The following ZNF79 variants were observed in gnomAD, a reference collection of about 807,000 sequenced individuals.
The protein encoded by ZNF79 is zinc finger protein 79.
Under a neutral mutation model 14.9 loss-of-function variants are expected in ZNF79, and 13 were observed. The observed-to-expected ratio is 0.87, with a 90% CI of 0.57 to 1.38. The LOEUF (loss-of-function observed/expected upper bound fraction) is 1.38, where lower values mean the gene tolerates loss of function less well. Ranked by LOEUF, ZNF79 falls within the 40% of genes most tolerant of loss-of-function variation. The pLI, the probability that ZNF79 is intolerant of heterozygous loss-of-function variation, is 0.00. For missense variants in ZNF79, 631 were observed against 630.6 expected, an observed-to-expected ratio of 1.00 and a Z score of -0.01; for synonymous variants, 223 against 235.1, an observed-to-expected ratio of 0.95 and a Z score of 0.47.
In ZNF79 at chr9:127,445,093, A is replaced by C. The variant is rs1404717966; in HGVS notation, c.1393A>C (p.Arg465=). ...NQSSSLSQHQ[R]IHTGVKPYEC... ...GAGCTCATCCCTTAGTCAGCATCAG[A>C]GAATCCACACAGGCGTGAAACCCTA... is the stretch of plus-strand genomic sequence containing the variant. Residue 465 remains arginine, a synonymous_variant, in exon 5 of 5, where the codon AGA becomes CGA. Transcript: ENST00000342483. 1.2e-6 allele frequency: 2 copies of C among 1,614,080 alleles called. No homozygotes were observed. Among genetic ancestry groups the C allele is most frequent in the Non-Finnish European group, 1.7e-6 (2 of 1,180,024 alleles).
In ZNF79 at chr9:127,445,002, GCAT is replaced by G. The variant is rs1176655645; in HGVS notation, c.1306_1308del (p.His436del). ...TCAGTGAGAGCTCAGCCCTCATTCG[GCAT>G]CATATAATCCACACCGGAGAAAAAC... is the stretch of plus-strand genomic sequence containing the variant. On this transcript the variant is annotated inframe_deletion, in exon 5 of 5. Transcript: ENST00000342483. The G allele has an allele frequency of 6.2e-6, 10 of 1,614,200 alleles. No individual in the cohort carries two copies. In the East Asian group the frequency reaches 2.2e-4, roughly 36 times the overall value.
intron 1 of ZNF79, among the ~76,000 whole-genome samples, chr9:127,425,462 AACC>A (rs899624937): frequency 2.6e-4 from 39 of 152,220 alleles, no homozygotes; most frequent in African/African-American, 8.9e-4. Context: ...TTTAAGTCTT[AACC>A]ACCAACACCT....
intron 2 of ZNF79, among the ~76,000 whole-genome samples, chr9:127,434,809 C>T (rs1005034336): frequency 1.3e-5 from 2 of 152,144 alleles, no homozygotes; most frequent in Non-Finnish European, 2.9e-5. Context: ...CCACCACGCC[C>T]AACTAATTTT....
In ZNF79 at chr9:127,444,946, C is replaced by A. The variant is rs1336784539; in HGVS notation, c.1246C>A (p.Pro416Thr). ...IHQKTHTGEKPYKCNECGKFF... is the reference protein window; with the variant it reads ...IHQKTHTGEKTYKCNECGKFF... Reference sequence around the variant, plus strand: ...CCAAAAGACCCACACCGGGGAGAAGCCATATAAATGTAATGAATGTGGGAA... The same window carrying A: ...CCAAAAGACCCACACCGGGGAGAAGACATATAAATGTAATGAATGTGGGAA... The change falls in exon 5 of 5, where the codon CCA (proline) becomes ACA (threonine). Residue 416 changes from proline (P) to threonine (T), a missense_variant. By Grantham distance (38) the Pro-to-Thr change is conservative. Coordinates refer to ENST00000342483, the MANE Select transcript of ZNF79 (RefSeq NM_007135.3). 2 of 1,614,150 alleles carry A rather than the reference C, an allele frequency of 1.2e-6. No homozygotes were observed. The highest frequency in any genetic ancestry group is 1.7e-5 in the Admixed American group (1 of 60,018).
chr9:127,429,867 A>T (rs1180751196), intron 2 of ZNF79, among the ~76,000 whole-genome samples: 4 of 147,322 alleles, frequency 2.7e-5, no homozygotes, highest in African/African-American at 1.0e-4. Context: ...CCCAGGCCGG[A>T]GTGCAGTGTC....
intron 1 of ZNF79, among the ~76,000 whole-genome samples, chr9:127,427,559 T>TTTTTGG (rs1833782088): frequency 6.6e-6 from 1 of 151,020 alleles, no homozygotes; most frequent in African/African-American, 2.4e-5. Flanking sequence ...TTTTTTTTTT[T>TTTTTGG]GAGGCAGAGT....
At chr9:127,435,523 G>A (rs553323959) in intron 3 of ZNF79, among the ~76,000 whole-genome samples, 1 of 152,262 alleles carries the variant, frequency 6.6e-6, no homozygotes, top group South Asian at 2.1e-4. Flanking sequence ...GTTTAGCTTA[G>A]CTCCCTGGCT....
At chr9:127,435,879 T>C in intron 3 of ZNF79, 29 bp from the exon 4 acceptor site, 3 of 1,603,464 alleles carry the variant, frequency 1.9e-6, no homozygotes, top group Non-Finnish European at 2.6e-6. Flanking sequence ...ACTTACAATT[T>C]CTAAAGCCTG....
intron 4 of ZNF79, among the ~76,000 whole-genome samples, chr9:127,442,182 C>T (rs1282268021): frequency 6.6e-6 from 1 of 151,486 alleles, no homozygotes; most frequent in Non-Finnish European, 1.5e-5. Flanking sequence ...GAGTGGATCA[C>T]CTGAGGTCAG....
chr9:127,427,338 G>A (rs376028317), intron 1 of ZNF79, among the ~76,000 whole-genome samples: 3 of 150,634 alleles, frequency 2.0e-5, no homozygotes, highest in Admixed American at 1.3e-4. Flanking sequence ...TAGGAGAATC[G>A]CTTGAACCTG....
chr9:127,437,242 T>G (rs1833964588), intron 4 of ZNF79, among the ~76,000 whole-genome samples: 1 of 152,098 alleles, frequency 6.6e-6, no homozygotes, highest in Non-Finnish European at 1.5e-5. Context: ...CTGTTGCATG[T>G]TACCTCCCCC....
intron 1 of ZNF79, among the ~76,000 whole-genome samples, chr9:127,428,200 C>T (rs778766514): frequency 6.6e-5 from 10 of 152,180 alleles, no homozygotes; most frequent in South Asian, 2.1e-4. Flanking sequence ...AGGCTGGTCT[C>T]GAACTCCTGG....
intron 1 of ZNF79, among the ~76,000 whole-genome samples, chr9:127,427,284 G>A (rs1422048991): frequency 1.3e-5 from 2 of 151,244 alleles, no homozygotes; most frequent in Non-Finnish European, 2.9e-5. Context: ...TTAGCCGGGC[G>A]TGGTGGTGCG....
intron 1 of ZNF79, among the ~76,000 whole-genome samples, chr9:127,427,777 G>A (rs1833787333): frequency 6.6e-6 from 1 of 152,046 alleles, no homozygotes; most frequent in Admixed American, 6.5e-5. Flanking sequence ...GGCTCCCTAA[G>A]TGCTGTGATT....
At chr9:127,436,073 A>G (rs1008039576) in intron 4 of ZNF79, 70 bp downstream of exon 4, 1 of 1,268,632 alleles carries the variant, frequency 7.9e-7, no homozygotes, top group Admixed American at 1.7e-5. Context: ...GCATGAGTGT[A>G]TTTGATTATC....
chr9:127,443,961 C>G (rs936841398), intron 4 of ZNF79, 68 bp from the exon 5 acceptor site: 2 of 1,403,666 alleles, frequency 1.4e-6, no homozygotes, highest in Non-Finnish European at 9.5e-7. Flanking sequence ...AAGAGCTTGG[C>G]CAGACTCCTT....
intron 4 of ZNF79, 79 bp from the exon 5 acceptor site, chr9:127,443,950 T>C: frequency 3.1e-6 from 4 of 1,270,098 alleles, no homozygotes; most frequent in Non-Finnish European, 4.3e-6. Flanking sequence ...CCTGTGTGTG[T>C]AAGAGCTTGG....
chr9:127,444,989 C>G lies in ZNF79; in HGVS notation c.1289C>G (p.Ser430Ter), dbSNP rs1012768896. ...TGTGGGAAATTCTTCAGTGAGAGCT[C>G]AGCCCTCATTCGGCATCATATAATC... Reference protein sequence around the residue: ...NECGKFFSESSALIRHHIIHT... With the variant: ...NECGKFFSES The change falls in exon 5 of 5, where the codon TCA becomes TGA. Residue 430 changes from serine to a stop codon, truncating the protein, a stop_gained. Coordinates refer to ENST00000342483, the MANE Select transcript of ZNF79 (RefSeq NM_007135.3). LOFTEE classifies it high-confidence loss of function. The G allele has an allele frequency of 6.2e-7, 1 of 1,614,064 alleles. No individual in the cohort carries two copies. The highest frequency in any genetic ancestry group is 8.5e-7 in the Non-Finnish European group (1 of 1,180,048).
At chr9:127,440,522 G>A (rs928702092) in intron 4 of ZNF79, among the ~76,000 whole-genome samples, 4 of 152,150 alleles carry the variant, frequency 2.6e-5, no homozygotes, top group African/African-American at 9.7e-5. Context: ...ATGGTAAGGC[G>A]TTTGGGTTTT....
Sources: gnomAD v4.1 joint callset for allele counts (sites outside exome capture counted in the v4.1 genomes callset) on GRCh38, gnomAD v4.1.1 for gene constraint, MANE v1.5 for transcripts, NCBI Gene and HGNC (gene_info 2026-07-23, HGNC 2026-07-21) for gene names.